Variants in BCL2 observed in about 807,000 individuals in gnomAD.
BCL2 encodes the protein apoptosis regulator Bcl-2.
BCL2 carries 1 observed loss-of-function variant against 14.2 expected under a neutral mutation model. That is an observed-to-expected ratio of 0.07 (90% CI 0.02 to 0.33). The LOEUF is 0.33. BCL2 is among the 10% of genes least tolerant of loss of function. The probability of loss-of-function intolerance (pLI) is 0.99; values close to 1 mark genes in which losing one functional copy is unlikely to be tolerated. For synonymous variants in BCL2, 151 were observed against 137.2 expected, an observed-to-expected ratio of 1.10 and a Z score of -0.70; for missense variants, 247 against 305.9, an observed-to-expected ratio of 0.81 and a Z score of 1.44.
intron 2 of BCL2, chr18:63,315,874 T>TTC (rs1355368073): frequency 1.3e-5 from 2 of 152,226 alleles, no homozygotes; most frequent in African/African-American, 4.8e-5. Flanking sequence ...TATATATTTT[T>TTC]TCTCTAAATT....
At chr18:63,305,217 C>T (rs1341211962) in intron 2 of BCL2, among the ~76,000 whole-genome samples, 1 of 152,204 alleles carries the variant, frequency 6.6e-6, no homozygotes, top group Non-Finnish European at 1.5e-5. Flanking sequence ...TTCCAATTTC[C>T]CTGAACATTT....
At chr18:63,235,227 G>C (rs1329552443) in intron 2 of BCL2, among the ~76,000 whole-genome samples, 1 of 152,230 alleles carries the variant, frequency 6.6e-6, no homozygotes, top group African/African-American at 2.4e-5. Flanking sequence ...TGCTGAGAAG[G>C]GGCTTGCACT....
At chr18:63,302,438 T>C (rs1046433212) in intron 2 of BCL2, 26 of 985,324 alleles carry the variant, frequency 2.6e-5, no homozygotes, top group African/African-American at 3.5e-5. Flanking sequence ...AAGGTCACTA[T>C]TGTCCCTCTG....
chr18:63,249,180 G>A (rs1274485486), intron 2 of BCL2, among the ~76,000 whole-genome samples: 1 of 152,184 alleles, frequency 6.6e-6, no homozygotes, highest in Non-Finnish European at 1.5e-5. Flanking sequence ...AGCAACTAGT[G>A]TTTTGGAGAG....
chr18:63,194,597 A>T (rs1909391735), intron 2 of BCL2, among the ~76,000 whole-genome samples: 1 of 152,196 alleles, frequency 6.6e-6, no homozygotes, highest in African/African-American at 2.4e-5. Context: ...TAGCATAGAG[A>T]TTGAGGTTGG....
intron 2 of BCL2, among the ~76,000 whole-genome samples, chr18:63,245,723 T>G (rs888734706): frequency 2.0e-5 from 3 of 148,958 alleles, no homozygotes; most frequent in African/African-American, 7.8e-5. Flanking sequence ...TTTACTATTG[T>G]TATGCAAGAC....
At chr18:63,282,359 G>A (rs934975488) in intron 2 of BCL2, among the ~76,000 whole-genome samples, 2 of 152,170 alleles carry the variant, frequency 1.3e-5, no homozygotes, top group African/African-American at 2.4e-5. Flanking sequence ...CAAAAGATCA[G>A]AATTTTCCCT....
intron 2 of BCL2, among the ~76,000 whole-genome samples, chr18:63,205,768 C>T (rs938386293): frequency 6.6e-6 from 1 of 152,102 alleles, no homozygotes; most frequent in African/African-American, 2.4e-5. Context: ...GAATAAGCAG[C>T]CCCGCTCCCA....
chr18:63,235,271 G>A (rs1247876766), intron 2 of BCL2, among the ~76,000 whole-genome samples: 1 of 152,206 alleles, frequency 6.6e-6, no homozygotes, highest in African/African-American at 2.4e-5. Flanking sequence ...CAGGGAAGAC[G>A]ATGTGCTAAT....
At chr18:63,268,307 G>GACCT (rs1304392488) in intron 2 of BCL2, among the ~76,000 whole-genome samples, 1 of 152,194 alleles carries the variant, frequency 6.6e-6, no homozygotes, top group Non-Finnish European at 1.5e-5. Context: ...AGTTAAGGAT[G>GACCT]ACCTACCACA....
At chr18:63,138,671 G>T (rs1313165699) in intron 2 of BCL2, among the ~76,000 whole-genome samples, 1 of 152,256 alleles carries the variant, frequency 6.6e-6, no homozygotes, top group Non-Finnish European at 1.5e-5. Flanking sequence ...GGTCCAGGGG[G>T]AGGGGCTGGT....
chr18:63,254,383 T>TAA (rs71162613), intron 2 of BCL2, among the ~76,000 whole-genome samples: 1,424 of 38,388 alleles, frequency 0.037, 399 homozygotes, highest in African/African-American at 0.084. Flanking sequence ...CTGTCTTTGC[T>TAA]AAAAAAAAAA....
intron 2 of BCL2, among the ~76,000 whole-genome samples, chr18:63,141,122 AT>A (rs1914347207): frequency 6.6e-6 from 1 of 152,136 alleles, no homozygotes; most frequent in African/African-American, 2.4e-5. Context: ...GGGACCTTCA[AT>A]TTTCCTCATC....
At chr18:63,199,324 A>G (rs1599239961) in intron 2 of BCL2, among the ~76,000 whole-genome samples, 1 of 150,340 alleles carries the variant, frequency 6.7e-6, no homozygotes, top group Non-Finnish European at 1.5e-5. Flanking sequence ...ACTACACAAC[A>G]TGCACACACA....
chr18:63,312,298 T>C (rs1599307287), intron 2 of BCL2, among the ~76,000 whole-genome samples: 1 of 152,150 alleles, frequency 6.6e-6, no homozygotes, highest in African/African-American at 2.4e-5. Flanking sequence ...ACAGGGGTGG[T>C]GGCACCTATG....
At chr18:63,232,822 G>T (rs917097377) in intron 2 of BCL2, among the ~76,000 whole-genome samples, 1 of 152,160 alleles carries the variant, frequency 6.6e-6, no homozygotes, top group African/African-American at 2.4e-5. Flanking sequence ...TCCAGAGAAG[G>T]TCACAATAGA....
chr18:63,213,222 T>C (rs1204073209), intron 2 of BCL2, among the ~76,000 whole-genome samples: 1 of 152,194 alleles, frequency 6.6e-6, no homozygotes, highest in Non-Finnish European at 1.5e-5. Context: ...ATCTCTTCCA[T>C]TTGCAGCCAA....
chr18:63,173,758 G>T (rs1213396292), intron 2 of BCL2, among the ~76,000 whole-genome samples: 1 of 152,160 alleles, frequency 6.6e-6, no homozygotes, highest in East Asian at 1.9e-4. Context: ...ACTCTAATAG[G>T]ACAAGACTTC....
intron 2 of BCL2, among the ~76,000 whole-genome samples, chr18:63,258,420 A>C (rs1160178748): frequency 6.6e-6 from 1 of 152,206 alleles, no homozygotes; most frequent in Non-Finnish European, 1.5e-5. Context: ...TCCTCTGGAA[A>C]GTGGGACCAA....
Sources: allele counts gnomAD v4.1 joint callset (sites outside exome capture counted in the v4.1 genomes callset), GRCh38; gene constraint gnomAD v4.1.1; transcripts MANE v1.5; gene names NCBI Gene and HGNC (gene_info 2026-07-23, HGNC 2026-07-21).